TRARG1: variants seen among roughly 807,000 people sequenced by gnomAD.
TRARG1 encodes trafficking regulator of GLUT4 1.
Under a neutral mutation model 13.3 loss-of-function variants are expected in TRARG1, and 16 were observed. That is an observed-to-expected ratio of 1.20 (90% CI 0.81 to 1.83). The LOEUF is 1.83. Among genes scored for constraint, TRARG1 ranks in the 40% most tolerant of loss-of-function variants. The pLI, the probability that TRARG1 is intolerant of heterozygous loss-of-function variation, is 0.00. For missense variants in TRARG1, 250 were observed against 237.4 expected (o/e 1.05, Z -0.35); for synonymous variants, 113 against 106.2 (o/e 1.06, Z -0.39).
rs1019672144 is a variant in TRARG1, at chr17:1,279,806, C to A, written c.-196C>A. ...GAGCTCCGCGGGGGCAGCAGGCAGG[C>A]CCCAGCCTCTGAACTCAGCTGGCTT... On this transcript the variant is annotated 5_prime_UTR_variant, in exon 1 of 3. Coordinates refer to ENST00000333813, the MANE Select transcript of TRARG1 (RefSeq NM_172367.3). 6 of 573,246 alleles carry A rather than the reference C, an allele frequency of 1.0e-5. No homozygotes were observed. The highest frequency in any genetic ancestry group is 3.8e-5 in the African/African-American group (2 of 53,278). The allele number at this position is 573,246 out of a possible 1,614,324, so 35.5% of individuals were successfully genotyped here.
At chr17:1,284,812 C>G (rs1365898786) in intron 1 of TRARG1, among the ~76,000 whole-genome samples, 1 of 152,056 alleles carries the variant, frequency 6.6e-6, no homozygotes, top group African/African-American at 2.4e-5. Context: ...TCCTGAGTAG[C>G]TGGGACTACA....
chr17:1,295,334 A>G (rs902965), intron 1 of TRARG1, among the ~76,000 whole-genome samples, 157 bp from the exon 2 acceptor site: 115,113 of 152,216 alleles, frequency 0.76, 43,665 homozygotes, highest in East Asian at 0.89. Flanking sequence ...TTCTCCGGGG[A>G]CAGCCCTCTT....
At chr17:1,282,177 C>T (rs139302946) in intron 1 of TRARG1, among the ~76,000 whole-genome samples, 3 of 143,366 alleles carry the variant, frequency 2.1e-5, no homozygotes, top group East Asian at 4.1e-4. Flanking sequence ...TACGTATACA[C>T]GTGCGTATAT....
chr17:1,280,675 C>T (rs1257231407), intron 1 of TRARG1, among the ~76,000 whole-genome samples: 1 of 152,186 alleles, frequency 6.6e-6, no homozygotes, highest in African/African-American at 2.4e-5. Flanking sequence ...CCTGGCGATA[C>T]ATCCCGCGGG....
intron 1 of TRARG1, among the ~76,000 whole-genome samples, chr17:1,286,331 G>A (rs139199149): frequency 7.0e-4 from 107 of 152,264 alleles, no homozygotes; most frequent in African/African-American, 2.5e-3. Flanking sequence ...GACCACAGAT[G>A]TGGGGTGTTG....
chr17:1,297,864 C>T (rs879404792), intron 2 of TRARG1, among the ~76,000 whole-genome samples: 62 of 152,240 alleles, frequency 4.1e-4, no homozygotes, highest in Non-Finnish European at 7.4e-4. Flanking sequence ...CTCTGCCTCC[C>T]AAAGTGCTGG....
chr17:1,294,487 T>TTTTTTTTTGG (rs56929786), intron 1 of TRARG1, among the ~76,000 whole-genome samples: 2 of 129,268 alleles, frequency 1.5e-5, no homozygotes, highest in African/African-American at 2.8e-5. Flanking sequence ...TTTTTTTTTT[T>TTTTTTTTTGG]GAGGCAGTCT....
At chr17:1,285,911 G>A (rs2072016374) in intron 1 of TRARG1, among the ~76,000 whole-genome samples, 1 of 152,196 alleles carries the variant, frequency 6.6e-6, no homozygotes, top group Admixed American at 6.5e-5. Context: ...CCAGGGAGGA[G>A]AGAGTCTGAA....
At chr17:1,291,747 T>G (rs12937772) in intron 1 of TRARG1, among the ~76,000 whole-genome samples, 61,582 of 151,894 alleles carry the variant, frequency 0.41, 12,830 homozygotes, top group African/African-American at 0.49. Context: ...CTTGGTGGGC[T>G]TCACAGAGGA....
chr17:1,291,466 C>A (rs892501693), intron 1 of TRARG1, among the ~76,000 whole-genome samples: 1 of 152,180 alleles, frequency 6.6e-6, no homozygotes, highest in South Asian at 2.1e-4. Context: ...TCCTTTCTGC[C>A]GCCATGTGGT....
At chr17:1,282,599 G>A (rs772930506) in intron 1 of TRARG1, among the ~76,000 whole-genome samples, 10 of 151,882 alleles carry the variant, frequency 6.6e-5, no homozygotes, top group African/African-American at 2.2e-4. Flanking sequence ...TTGAACTCCC[G>A]ACCTCGTGAT....
intron 1 of TRARG1, among the ~76,000 whole-genome samples, chr17:1,288,761 G>A (rs1162409253): frequency 4.7e-5 from 1 of 21,386 alleles, no homozygotes; most frequent in Non-Finnish European, 8.0e-5. Context: ...CATCCCCCAC[G>A]GGTTCCCCAT....
At position 1,280,389 on chromosome 17, in the gene TRARG1, G is replaced by T; in HGVS notation, c.387+1G>T. On this transcript the variant is annotated splice_donor_variant, in intron 1 of 2. Coordinates refer to ENST00000333813, the MANE Select transcript of TRARG1 (RefSeq NM_172367.3). LOFTEE classifies it high-confidence loss of function. The stretch of plus-strand genomic sequence containing the variant: ...CATCCCCCTCATCATTTCCATCATG[G>T]TAAGTGCTGGTCTTTGTTCCAGGGG... 1.3e-6 allele frequency: 2 copies of T among 1,589,652 alleles called. No homozygotes were observed. Among genetic ancestry groups the T allele is most frequent in the Non-Finnish European group, 1.7e-6 (2 of 1,168,726 alleles).
chr17:1,295,213 C>A (rs1254165520), intron 1 of TRARG1, among the ~76,000 whole-genome samples: 1 of 152,234 alleles, frequency 6.6e-6, no homozygotes, highest in Non-Finnish European at 1.5e-5. Flanking sequence ...ACCGCCACCT[C>A]CTCCACCGCC....
intron 1 of TRARG1, among the ~76,000 whole-genome samples, chr17:1,283,279 C>T (rs1425081567): frequency 6.6e-6 from 1 of 152,114 alleles, no homozygotes; most frequent in Non-Finnish European, 1.5e-5. Context: ...TGAGACGGGC[C>T]ACACCCAGTG....
At chr17:1,291,435 C>T (rs2072068644) in intron 1 of TRARG1, among the ~76,000 whole-genome samples, 1 of 152,180 alleles carries the variant, frequency 6.6e-6, no homozygotes, top group Admixed American at 6.5e-5. Flanking sequence ...TAAGGGGCTT[C>T]CCCGTTTTGT....
chr17:1,294,814 T>C (rs1044365330), intron 1 of TRARG1, among the ~76,000 whole-genome samples: 1 of 151,948 alleles, frequency 6.6e-6, no homozygotes, highest in African/African-American at 2.4e-5. Flanking sequence ...GCCTCCTGAG[T>C]AGCTGGGATT....
intron 1 of TRARG1, among the ~76,000 whole-genome samples, chr17:1,284,291 C>T (rs1219516034): frequency 6.6e-6 from 1 of 152,166 alleles, no homozygotes; most frequent in Non-Finnish European, 1.5e-5. Context: ...AGTATGAGGC[C>T]TGTGTTCCTG....
At chr17:1,294,596 A>G (rs1280473597) in intron 1 of TRARG1, among the ~76,000 whole-genome samples, 1 of 150,090 alleles carries the variant, frequency 6.7e-6, no homozygotes, top group Non-Finnish European at 1.5e-5. Flanking sequence ...CCTCCTGAGT[A>G]GCTGGGACTA....
Sources: gnomAD v4.1 joint callset for allele counts (sites outside exome capture counted in the v4.1 genomes callset) on GRCh38, gnomAD v4.1.1 for gene constraint, MANE v1.5 for transcripts, NCBI Gene and HGNC (gene_info 2026-07-23, HGNC 2026-07-21) for gene names.